Variants in FBXW11 observed in about 807,000 individuals in gnomAD.
FBXW11 encodes the protein F-box and WD repeat domain containing 11.
Under a neutral mutation model 77.6 loss-of-function variants are expected in FBXW11, and 19 were observed. The ratio of observed to expected loss-of-function variants is 0.24; its 90% CI spans 0.17 to 0.36. The LOEUF (loss-of-function observed/expected upper bound fraction) is 0.36, where lower values mean the gene tolerates loss of function less well. Among genes scored for constraint, FBXW11 ranks in the 10% least tolerant of loss-of-function variants. The pLI, the probability that FBXW11 is intolerant of heterozygous loss-of-function variation, is 1.00. For synonymous variants in FBXW11, 235 were observed against 249.4 expected, an observed-to-expected ratio of 0.94 and a Z score of 0.54; for missense variants, 334 against 704.2, an observed-to-expected ratio of 0.47 and a Z score of 5.95.
chr5:171,990,211 T>C (rs893142328), intron 1 of FBXW11, among the ~76,000 whole-genome samples: 2 of 152,054 alleles, frequency 1.3e-5, no homozygotes, highest in African/African-American at 4.8e-5. Flanking sequence ...ATGTTAACAA[T>C]TGTTGAATCT....
chr5:171,967,877 TATATATACACACACAC>T (rs1408799650), intron 1 of FBXW11, among the ~76,000 whole-genome samples: 699 of 58,576 alleles, frequency 0.012, 14 homozygotes, highest in African/African-American at 0.034. Context: ...TATATATATA[TATATATACACACACAC>T]ACACACACAC....
chr5:171,982,620 T>C (rs1366079456), intron 1 of FBXW11, among the ~76,000 whole-genome samples: 1 of 152,186 alleles, frequency 6.6e-6, no homozygotes, highest in African/African-American at 2.4e-5. Context: ...ATGCTCTACA[T>C]TAGAGATGGA....
chr5:171,971,033 G>A (rs989393215), intron 1 of FBXW11, among the ~76,000 whole-genome samples: 3 of 152,148 alleles, frequency 2.0e-5, no homozygotes, highest in South Asian at 2.1e-4. Flanking sequence ...GAGTTCTCAC[G>A]ACTTGAAGCA....
chr5:171,942,310 A>G (rs1762793423), intron 2 of FBXW11, among the ~76,000 whole-genome samples: 1 of 151,508 alleles, frequency 6.6e-6, no homozygotes, highest in Admixed American at 6.6e-5. Flanking sequence ...CCCAGTTCAG[A>G]ATGATGCATT....
intron 7 of FBXW11, among the ~76,000 whole-genome samples, chr5:171,887,916 C>T (rs1759030724): frequency 6.6e-6 from 1 of 152,152 alleles, no homozygotes; most frequent in Non-Finnish European, 1.5e-5. Flanking sequence ...GCCTCAGCCT[C>T]CCAAAGTGCT....
At chr5:171,884,032 CTTTAG>C (rs1407476033) in intron 7 of FBXW11, among the ~76,000 whole-genome samples, 3 of 152,168 alleles carry the variant, frequency 2.0e-5, no homozygotes, top group Non-Finnish European at 4.4e-5. Flanking sequence ...TGCAAAAGCT[CTTTAG>C]TTTAATTAGG....
chr5:171,957,966 A>C (rs1763702884), intron 1 of FBXW11, among the ~76,000 whole-genome samples: 1 of 152,154 alleles, frequency 6.6e-6, no homozygotes, highest in African/African-American at 2.4e-5. Context: ...TTAAACAAAA[A>C]CCCACCAAAG....
At chr5:171,990,016 G>T (rs1430989516) in intron 1 of FBXW11, among the ~76,000 whole-genome samples, 1 of 151,982 alleles carries the variant, frequency 6.6e-6, no homozygotes, top group African/African-American at 2.4e-5. Flanking sequence ...AAAACTTAGG[G>T]GTTAAGTATT....
chr5:171,991,822 A>AG (rs199665583), intron 1 of FBXW11, among the ~76,000 whole-genome samples: 1,967 of 152,308 alleles, frequency 0.013, 24 homozygotes, highest in South Asian at 0.021. Flanking sequence ...CAAGATGAAA[A>AG]GGAGAGGGTG....
chr5:172,000,871 G>A (rs918866028), intron 1 of FBXW11, among the ~76,000 whole-genome samples: 2 of 152,164 alleles, frequency 1.3e-5, no homozygotes, highest in African/African-American at 4.8e-5. Context: ...CAAAGCCCAT[G>A]CCCTTTCTGC....
intron 6 of FBXW11, among the ~76,000 whole-genome samples, chr5:171,893,421 C>CAA (rs397999920): frequency 0.01 from 418 of 39,816 alleles, 51 homozygotes; most frequent in African/African-American, 0.027. Flanking sequence ...ACTTCAAAAC[C>CAA]AAAAAAAAAA....
At chr5:171,882,507 G>C (rs1758586305) in intron 7 of FBXW11, among the ~76,000 whole-genome samples, 1 of 151,958 alleles carries the variant, frequency 6.6e-6, no homozygotes, top group Non-Finnish European at 1.5e-5. Context: ...GTCTCCCTAT[G>C]TTTCCCAGGC....
At chr5:171,884,829 T>C (rs1359556847) in intron 7 of FBXW11, among the ~76,000 whole-genome samples, 1 of 152,212 alleles carries the variant, frequency 6.6e-6, no homozygotes, top group Non-Finnish European at 1.5e-5. Flanking sequence ...TATGTTATTT[T>C]TTTGCAGCTA....
At chr5:171,915,860 C>T (rs930183262) in intron 2 of FBXW11, among the ~76,000 whole-genome samples, 1 of 151,944 alleles carries the variant, frequency 6.6e-6, no homozygotes, top group African/African-American at 2.4e-5. Flanking sequence ...CAATGATAGA[C>T]TAGATTAAGA....
intron 1 of FBXW11, among the ~76,000 whole-genome samples, chr5:171,994,182 T>C (rs1765903673): frequency 6.6e-6 from 1 of 152,220 alleles, no homozygotes; most frequent in African/African-American, 2.4e-5. Flanking sequence ...TGGATGATAC[T>C]CTAATCTACA....
chr5:171,930,158 C>T (rs944442049), intron 2 of FBXW11, among the ~76,000 whole-genome samples: 1 of 152,136 alleles, frequency 6.6e-6, no homozygotes, highest in Admixed American at 6.5e-5. Context: ...AAGCGTCCTG[C>T]TAGTTCAGAG....
chr5:171,863,075 C>T lies in FBXW11; in HGVS notation c.*1052G>A, dbSNP rs937000507. The T allele has an allele frequency of 5.9e-5, 9 of 152,468 alleles. No individual in the cohort carries two copies. Among genetic ancestry groups the T allele is most frequent in the African/African-American group, 2.2e-4 (9 of 41,402 alleles). The allele number at this position is 152,468 out of a possible 1,614,324, so 9.4% of individuals were successfully genotyped here. ...CCTCTCTATTGTATAATATATACTC[C>T]ACAACAAATAAAACATTTTGGTGTT... On this transcript the variant is annotated 3_prime_UTR_variant, in exon 14 of 14. Transcript: ENST00000517395.
intron 13 of FBXW11, among the ~76,000 whole-genome samples, chr5:171,866,576 C>G (rs936333162): frequency 6.6e-6 from 1 of 152,146 alleles, no homozygotes; most frequent in African/African-American, 2.4e-5. Flanking sequence ...CATCTCTCAA[C>G]CAAAGGAATC....
intron 2 of FBXW11, among the ~76,000 whole-genome samples, chr5:171,926,679 G>C (rs1307164621): frequency 1.3e-5 from 2 of 152,154 alleles, no homozygotes. Flanking sequence ...ATAGCCTGCA[G>C]AACCATGAGC....
Sources: allele counts gnomAD v4.1 joint callset (sites outside exome capture counted in the v4.1 genomes callset), GRCh38; gene constraint gnomAD v4.1.1; transcripts MANE v1.5; gene names NCBI Gene and HGNC (gene_info 2026-07-23, HGNC 2026-07-21).